Variants in CNTNAP5 observed in about 807,000 individuals in gnomAD.
CNTNAP5 encodes contactin associated protein family member 5.
Under a neutral mutation model 150.2 loss-of-function variants are expected in CNTNAP5, and 72 were observed. The ratio of observed to expected loss-of-function variants is 0.48; its 90% CI spans 0.40 to 0.58. The LOEUF (loss-of-function observed/expected upper bound fraction) is 0.58. Ranked by LOEUF, CNTNAP5 falls within the 20% of genes least tolerant of loss-of-function variation. The probability of loss-of-function intolerance (pLI) is 0.00; values close to 1 mark genes in which losing one functional copy is unlikely to be tolerated. For synonymous variants in CNTNAP5, 672 were observed against 619.8 expected (o/e 1.08, Z -1.25); for missense variants, 1,636 against 1,626.2 (o/e 1.01, Z -0.10).
chr2:124,421,723 G>A (rs2104781989), intron 4 of CNTNAP5, among the ~76,000 whole-genome samples: 1 of 152,232 alleles, frequency 6.6e-6, no homozygotes, highest in South Asian at 2.1e-4. Context: ...TTTCTTACTG[G>A]CAAGTAAAAG....
intron 3 of CNTNAP5, among the ~76,000 whole-genome samples, chr2:124,319,492 G>T (rs758258966): frequency 5.9e-5 from 9 of 152,066 alleles, no homozygotes; most frequent in Non-Finnish European, 1.0e-4. Flanking sequence ...TGTAGACTGG[G>T]GTATATTTGA....
At chr2:124,703,769 C>T (rs1012854474) in intron 13 of CNTNAP5, among the ~76,000 whole-genome samples, 26 of 152,160 alleles carry the variant, frequency 1.7e-4, no homozygotes, top group South Asian at 1.2e-3. Context: ...GCCCCAAAGA[C>T]GATAATCATA....
At chr2:124,904,162 C>T (rs1678480252) in intron 22 of CNTNAP5, among the ~76,000 whole-genome samples, 1 of 151,578 alleles carries the variant, frequency 6.6e-6, no homozygotes, top group South Asian at 2.1e-4. Context: ...CTCCTGACAA[C>T]CGCCGTTCTC....
chr2:124,618,438 A>G (rs919087922), intron 12 of CNTNAP5, among the ~76,000 whole-genome samples: 2 of 152,072 alleles, frequency 1.3e-5, no homozygotes, highest in African/African-American at 4.8e-5. Context: ...TAGTGTAGGG[A>G]CTATAGCACA....
At chr2:124,354,820 A>G (rs1014211770) in intron 3 of CNTNAP5, among the ~76,000 whole-genome samples, 9 of 152,040 alleles carry the variant, frequency 5.9e-5, no homozygotes, top group African/African-American at 1.2e-4. Flanking sequence ...TATTTTTCTA[A>G]TTTAAAAATA....
At chr2:124,411,259 C>A (rs993924097) in intron 3 of CNTNAP5, among the ~76,000 whole-genome samples, 14 of 152,152 alleles carry the variant, frequency 9.2e-5, no homozygotes, top group African/African-American at 3.4e-4. Flanking sequence ...CAAAAAGAGT[C>A]CAGGACCAGA....
intron 1 of CNTNAP5, among the ~76,000 whole-genome samples, chr2:124,098,073 C>T (rs1003996693): frequency 1.7e-4 from 26 of 152,146 alleles, no homozygotes; most frequent in African/African-American, 5.8e-4. Context: ...GCCTTTGACT[C>T]CCGAAAAACT....
At chr2:124,320,795 C>CTG (rs151006914) in intron 3 of CNTNAP5, among the ~76,000 whole-genome samples, 27 of 150,146 alleles carry the variant, frequency 1.8e-4, no homozygotes, top group Non-Finnish European at 2.4e-4. Context: ...TGTGTTGAGC[C>CTG]TGTGTGTGTG....
At chr2:124,408,203 T>C (rs974262452) in intron 3 of CNTNAP5, among the ~76,000 whole-genome samples, 1 of 152,076 alleles carries the variant, frequency 6.6e-6, no homozygotes, top group African/African-American at 2.4e-5. Flanking sequence ...CACCACGAGA[T>C]TATATCTCGC....
At chr2:124,529,136 G>A (rs1695047133) in intron 10 of CNTNAP5, among the ~76,000 whole-genome samples, 1 of 150,908 alleles carries the variant, frequency 6.6e-6, no homozygotes, top group African/African-American at 2.4e-5. Flanking sequence ...CTAGTTTAGA[G>A]CTCGGAGAAT....
chr2:124,798,598 C>T (rs1232699176), intron 19 of CNTNAP5, among the ~76,000 whole-genome samples: 1 of 152,188 alleles, frequency 6.6e-6, no homozygotes, highest in Admixed American at 6.5e-5. Flanking sequence ...GTGCTGGAAT[C>T]CATTAAGTGC....
At chr2:124,365,986 T>C (rs998539307) in intron 3 of CNTNAP5, among the ~76,000 whole-genome samples, 2 of 152,336 alleles carry the variant, frequency 1.3e-5, no homozygotes, top group Non-Finnish European at 1.5e-5. Context: ...GTAACTTTTT[T>C]CTTATTCAAT....
chr2:124,903,990 G>A (rs1678473260), intron 22 of CNTNAP5, among the ~76,000 whole-genome samples: 1 of 143,162 alleles, frequency 7.0e-6, no homozygotes, highest in African/African-American at 2.6e-5. Context: ...GAAGGCAGAG[G>A]TTGCAGTGAG....
rs552238905 is a variant in CNTNAP5, at chr2:124,374,567, CAG to C, written c.382-42873_382-42872del. On this transcript the variant is annotated intron_variant, in intron 3 of 23. Transcript: ENST00000682447. ...ATCACTTTTAGGAAAGTAGAGAAAA[CAG>C]AGTTGATAAAGTATTCTAGGCAAAG... 1.3e-3 allele frequency among the ~76,000 whole-genome samples: 203 copies of C among 152,210 alleles called. 2 individuals are homozygous for C. Among genetic ancestry groups the C allele is most frequent in the Non-Finnish European group, 2.6e-3 (177 of 67,990 alleles).
At chr2:124,145,835 A>AAAAAAAAAAAAAAAAAAAAAAAAG (rs1684235103) in intron 1 of CNTNAP5, among the ~76,000 whole-genome samples, 2 of 49,796 alleles carry the variant, frequency 4.0e-5, no homozygotes, top group Admixed American at 2.9e-4. Flanking sequence ...AAAAGAAGAA[A>AAAAAAAAAAAAAAAAAAAAAAAAG]AAAAAAAAAA....
At chr2:124,588,177 C>CTTCCTTCCTTCT (rs1558966029) in intron 11 of CNTNAP5, among the ~76,000 whole-genome samples, 36 of 110,914 alleles carry the variant, frequency 3.2e-4, no homozygotes, top group East Asian at 7.1e-4. Flanking sequence ...TCCTTCCTTC[C>CTTCCTTCCTTCT]TTCTTTCTTT....
chr2:124,058,283 C>T (rs1044034327), intron 1 of CNTNAP5, among the ~76,000 whole-genome samples: 3 of 152,148 alleles, frequency 2.0e-5, no homozygotes, highest in Non-Finnish European at 4.4e-5. Flanking sequence ...CATAATCCAG[C>T]TTTTGACTGT....
intron 5 of CNTNAP5, among the ~76,000 whole-genome samples, chr2:124,437,985 A>G (rs973839344): frequency 3.3e-5 from 5 of 152,174 alleles, no homozygotes; most frequent in African/African-American, 1.2e-4. Flanking sequence ...TCAGGCTAAG[A>G]GTGAAGAAGT....
rs576291218 is a variant in CNTNAP5, at chr2:124,238,938, A to G, written c.188-3262A>G. 3.9e-5 allele frequency among the ~76,000 whole-genome samples: 6 copies of G among 152,338 alleles called. No individual in the cohort carries two copies. The South Asian group carries it at 1.2e-3, about 32-fold the overall frequency. ...CCCTATTAGCTGTAATGCGGGGAGC[A>G]TCTTCAACAGCAGGAAAGAGTCCTC... On this transcript the variant is annotated intron_variant, in intron 2 of 23. Transcript: ENST00000682447.
Sources: gnomAD v4.1 joint callset for allele counts (sites outside exome capture counted in the v4.1 genomes callset) on GRCh38, gnomAD v4.1.1 for gene constraint, MANE v1.5 for transcripts, NCBI Gene and HGNC (gene_info 2026-07-23, HGNC 2026-07-21) for gene names.